SPECC1L: variants seen among roughly 807,000 people sequenced by gnomAD.
SPECC1L encodes sperm antigen with calponin homology and coiled-coil domains 1 like.
In SPECC1L, 40 loss-of-function variants were observed where a neutral mutation model predicts 116.8. The ratio of observed to expected loss-of-function variants is 0.34; its 90% CI spans 0.27 to 0.45. The LOEUF (loss-of-function observed/expected upper bound fraction) is 0.45, where lower values mean the gene tolerates loss of function less well. Among genes scored for constraint, SPECC1L ranks in the 20% least tolerant of loss-of-function variants. The probability of loss-of-function intolerance (pLI) is 1.00; values close to 1 mark genes in which losing one functional copy is unlikely to be tolerated. For synonymous variants in SPECC1L, 504 were observed against 500.6 expected, an observed-to-expected ratio of 1.01 and a Z score of -0.09; for missense variants, 1,110 against 1,373.6, an observed-to-expected ratio of 0.81 and a Z score of 3.03.
intron 1 of SPECC1L, among the ~76,000 whole-genome samples, chr22:24,273,363 A>T (rs1007813605): frequency 9.2e-5 from 14 of 152,376 alleles, no homozygotes; most frequent in Middle Eastern, 3.4e-3. Context: ...AGTCTTTTAT[A>T]CAATTCAATT....
chr22:24,375,234 A>T (rs2041949256), intron 14 of SPECC1L, among the ~76,000 whole-genome samples: 1 of 152,204 alleles, frequency 6.6e-6, no homozygotes. Context: ...TTACTGGTTA[A>T]TTCTTCCAAA....
At chr22:24,279,870 G>A (rs566147206) in intron 2 of SPECC1L, among the ~76,000 whole-genome samples, 5 of 152,332 alleles carry the variant, frequency 3.3e-5, no homozygotes, top group Non-Finnish European at 5.9e-5. Context: ...GAGACACCAC[G>A]CCCAGGTGAA....
chr22:24,374,523 CA>C lies in SPECC1L; in HGVS notation c.3087+5212del, dbSNP rs547092061. Among the ~76,000 whole-genome samples, 13 of 142,186 alleles carry C rather than the reference CA, an allele frequency of 9.1e-5. No homozygotes were observed. In the East Asian group the frequency reaches 2.4e-3, roughly 27 times the overall value. The allele number at this position is 142,186 out of a possible 152,430, so 93.3% of individuals were successfully genotyped here. On this transcript the variant is annotated intron_variant, in intron 14 of 16. Transcript: ENST00000314328. Reference sequence around the variant, plus strand: ...CATTCTCAGCAAACTATCGCAAGGACAAAAAAAAACAAACACTGCATGTTCT... The same window carrying C: ...CATTCTCAGCAAACTATCGCAAGGACAAAAAAAACAAACACTGCATGTTCT...
chr22:24,326,528 G>A (rs2040825087), intron 6 of SPECC1L, among the ~76,000 whole-genome samples: 1 of 152,152 alleles, frequency 6.6e-6, no homozygotes, highest in South Asian at 2.1e-4. Flanking sequence ...TCGTTTGCAG[G>A]TTGAGTCTGA....
chr22:24,369,561 T>C (rs981711098), intron 14 of SPECC1L, among the ~76,000 whole-genome samples: 1 of 152,036 alleles, frequency 6.6e-6, no homozygotes, highest in African/African-American at 2.4e-5. Flanking sequence ...TAAGCTGGCA[T>C]GGTGGTGTGT....
intron 6 of SPECC1L, among the ~76,000 whole-genome samples, 190 bp downstream of exon 6, chr22:24,324,617 A>C (rs2040782754): frequency 6.6e-6 from 1 of 152,266 alleles, no homozygotes; most frequent in Non-Finnish European, 1.5e-5. Flanking sequence ...TTGGGAGGCC[A>C]AGGCAGGCAG....
intron 11 of SPECC1L, among the ~76,000 whole-genome samples, chr22:24,361,453 A>C (rs555247995): frequency 6.6e-6 from 1 of 152,324 alleles, no homozygotes; most frequent in East Asian, 1.9e-4. Flanking sequence ...CTGTAATCCC[A>C]GCACTTTGGC....
intron 14 of SPECC1L, among the ~76,000 whole-genome samples, chr22:24,377,452 A>G (rs1042401467): frequency 2.6e-5 from 4 of 152,212 alleles, no homozygotes; most frequent in African/African-American, 9.7e-5. Context: ...GTGTACAACA[A>G]ATTTTTACAT....
At chr22:24,398,226 C>G (rs137989895) in intron 14 of SPECC1L, among the ~76,000 whole-genome samples, 8 of 152,294 alleles carry the variant, frequency 5.3e-5, no homozygotes, top group African/African-American at 1.9e-4. Flanking sequence ...GGGCAAAGAG[C>G]AGGGATCGGG....
intron 3 of SPECC1L, among the ~76,000 whole-genome samples, chr22:24,307,879 A>G (rs964919549): frequency 6.6e-6 from 1 of 151,258 alleles, no homozygotes; most frequent in Non-Finnish European, 1.5e-5. Context: ...TAAATTTCAT[A>G]TTTAGATCCT....
chr22:24,323,108 A>G, intron 5 of SPECC1L, 190 bp downstream of exon 5: 4 of 982,450 alleles, frequency 4.1e-6, no homozygotes, highest in Non-Finnish European at 4.8e-6. Context: ...AGATAATGTC[A>G]CTTTCTCTCA....
In SPECC1L at chr22:24,321,963, A is replaced by G. The variant is rs1352060384; in HGVS notation, c.983A>G (p.Gln328Arg). ...GGCTCAGTGGAGGATCTCTTGAGTC[A>G]GGATGAAAATACACTAATGGACCAT... ...APGSVEDLLS[Q>R]DENTLMDHQH... is the part of the protein sequence containing the mutation. The change falls in exon 5 of 17, where the codon CAG (glutamine) becomes CGG (arginine). Residue 328 changes from glutamine to arginine, a missense_variant. By Grantham distance (43) the Gln-to-Arg change is conservative. This residue lies in a region of SPECC1L where 437 missense variants were observed against 482.6 expected (regional missense o/e 0.91). Coordinates refer to ENST00000314328, the MANE Select transcript of SPECC1L (RefSeq NM_015330.6). 1 of 1,614,228 alleles carries G rather than the reference A, an allele frequency of 6.2e-7. No homozygotes were observed. The highest frequency in any genetic ancestry group is 8.5e-7 in the Non-Finnish European group (1 of 1,180,040).
At chr22:24,296,281 T>C (rs75919085) in intron 2 of SPECC1L, among the ~76,000 whole-genome samples, 25,538 of 152,024 alleles carry the variant, frequency 0.17, 2,608 homozygotes, top group Admixed American at 0.23. Flanking sequence ...CTGTACAAGG[T>C]ACCGCACAGG....
chr22:24,392,009 G>A (rs2042283675), intron 14 of SPECC1L, among the ~76,000 whole-genome samples: 1 of 152,130 alleles, frequency 6.6e-6, no homozygotes, highest in South Asian at 2.1e-4. Context: ...GAAGTTAGAG[G>A]AAGTCAGACT....
At chr22:24,297,269 A>G (rs2146388181) in intron 2 of SPECC1L, among the ~76,000 whole-genome samples, 1 of 151,520 alleles carries the variant, frequency 6.6e-6, no homozygotes, top group Admixed American at 6.6e-5. Flanking sequence ...TAGATAGAAA[A>G]AAACTGTTTA....
chr22:24,350,156 C>T lies in SPECC1L; in HGVS notation c.2743+2980C>T, dbSNP rs62233140. Among the ~76,000 whole-genome samples, 1,124 of 152,184 alleles carry T rather than the reference C, an allele frequency of 7.4e-3. 6 individuals are homozygous for T. The highest frequency in any genetic ancestry group is 0.012 in the South Asian group (60 of 4,816). ...CCCTCTGCCTGGAACACTGCTGGATCGAACCTCCTCAGCAAGGCCCTAAGT... is the reference window on the plus strand; with the variant it reads ...CCCTCTGCCTGGAACACTGCTGGATTGAACCTCCTCAGCAAGGCCCTAAGT... On this transcript the variant is annotated intron_variant, in intron 11 of 16. Coordinates refer to ENST00000314328, the MANE Select transcript of SPECC1L (RefSeq NM_015330.6).
intron 13 of SPECC1L, 118 bp downstream of exon 13, chr22:24,365,750 T>C (rs2041749729): frequency 8.4e-7 from 1 of 1,185,502 alleles, no homozygotes; most frequent in Admixed American, 1.8e-5. Flanking sequence ...TTTCTGTGTG[T>C]TGTTTGCGAA....
chr22:24,328,761 TCA>T, intron 6 of SPECC1L, 83 bp from the exon 7 acceptor site: 2 of 1,067,906 alleles, frequency 1.9e-6, no homozygotes, highest in Non-Finnish European at 1.4e-6. Context: ...TTTTCGAATG[TCA>T]TATTTAAGTA....
At chr22:24,271,724 A>G (rs750720141) in intron 1 of SPECC1L, among the ~76,000 whole-genome samples, 11 of 152,250 alleles carry the variant, frequency 7.2e-5, no homozygotes, top group Non-Finnish European at 1.5e-4. Context: ...AGAACACGCA[A>G]AAATTCTGTG....
Sources: allele counts gnomAD v4.1 joint callset (sites outside exome capture counted in the v4.1 genomes callset), GRCh38; gene constraint gnomAD v4.1.1; regional missense constraint gnomAD v4.1.1; transcripts MANE v1.5; gene names NCBI Gene and HGNC (gene_info 2026-07-23, HGNC 2026-07-21).